Variants in P4HA1 observed in about 807,000 individuals in gnomAD.
The protein encoded by P4HA1 is prolyl 4-hydroxylase subunit alpha 1.
Under a neutral mutation model 72.8 loss-of-function variants are expected in P4HA1, and 24 were observed. That is an observed-to-expected ratio of 0.33 (90% CI 0.24 to 0.46). P4HA1 has a LOEUF of 0.46. P4HA1 is among the 20% of genes least tolerant of loss of function. The pLI, the probability that P4HA1 is intolerant of heterozygous loss-of-function variation, is 1.00. For synonymous variants in P4HA1, 201 were observed against 218.8 expected (o/e 0.92, Z 0.72); for missense variants, 446 against 640.6 (o/e 0.70, Z 3.28).
intron 1 of P4HA1, among the ~76,000 whole-genome samples, chr10:73,084,827 T>C (rs1389499069): frequency 2.0e-5 from 3 of 152,156 alleles, no homozygotes; most frequent in Admixed American, 1.3e-4. Flanking sequence ...ATTAAGACCA[T>C]TTTGAAGTTT....
chr10:73,062,386 C>G (rs1217451380), intron 5 of P4HA1, among the ~76,000 whole-genome samples: 1 of 151,572 alleles, frequency 6.6e-6, no homozygotes, highest in Non-Finnish European at 1.5e-5. Flanking sequence ...AAAAAAATGA[C>G]AGGTATGTGA....
chr10:73,037,020 G>A (rs1840590639), intron 9 of P4HA1, among the ~76,000 whole-genome samples: 1 of 151,684 alleles, frequency 6.6e-6, no homozygotes, highest in South Asian at 2.1e-4. Flanking sequence ...TAATGTTATA[G>A]CATTTAATAG....
intron 9 of P4HA1, among the ~76,000 whole-genome samples, chr10:73,036,685 G>A (rs12243988): frequency 0.16 from 24,222 of 151,926 alleles, 3,220 homozygotes; most frequent in African/African-American, 0.34. Flanking sequence ...GGTGTGAGCC[G>A]TCACACCTGG....
intron 1 of P4HA1, among the ~76,000 whole-genome samples, chr10:73,096,329 G>A (rs1326074056): frequency 2.0e-5 from 3 of 152,154 alleles, no homozygotes; most frequent in African/African-American, 7.2e-5. Context: ...CGCCACATGC[G>A]AACCATCTGC....
At chr10:73,077,038 C>A (rs151151155) in intron 1 of P4HA1, among the ~76,000 whole-genome samples, 16 of 152,324 alleles carry the variant, frequency 1.1e-4, no homozygotes, top group African/African-American at 3.8e-4. Flanking sequence ...CAGAACCACA[C>A]AGTAAGGAAA....
intron 10 of P4HA1, among the ~76,000 whole-genome samples, chr10:73,021,434 T>A (rs1251624699): frequency 6.6e-6 from 1 of 152,166 alleles, no homozygotes; most frequent in Non-Finnish European, 1.5e-5. Flanking sequence ...CATCAACAGA[T>A]GAATGGATAA....
rs373193417 is a variant in P4HA1, at chr10:73,084,576, T to C, written c.-32-9661A>G. ...CAGTCTTCCCGCCTGAGCCTCCCAA[T>C]GTGCTGGGATTACAGATGTGAGCCA... On this transcript the variant is annotated intron_variant, in intron 1 of 14. Transcript: ENST00000394890. 5.3e-5 allele frequency among the ~76,000 whole-genome samples: 8 copies of C among 152,240 alleles called. No individual in the cohort carries two copies. The East Asian group carries it at 1.4e-3, about 26-fold the overall frequency.
At chr10:73,087,507 C>A (rs375997646) in intron 1 of P4HA1, among the ~76,000 whole-genome samples, 2 of 152,002 alleles carry the variant, frequency 1.3e-5, no homozygotes, top group African/African-American at 4.8e-5. Context: ...CTCAGATGGT[C>A]CACCCACCTC....
intron 10 of P4HA1, among the ~76,000 whole-genome samples, chr10:73,024,766 A>T (rs1394269050): frequency 5.3e-5 from 8 of 152,210 alleles, no homozygotes; most frequent in Non-Finnish European, 1.5e-5. Context: ...AGAAGAAAAG[A>T]GAGAATAATC....
chr10:73,092,366 T>TTTTTG (rs796622096), intron 1 of P4HA1, among the ~76,000 whole-genome samples: 1 of 141,664 alleles, frequency 7.1e-6, no homozygotes, highest in African/African-American at 2.8e-5. Context: ...TTTTTTTTTT[T>TTTTTG]AGAGACAGGG....
intron 1 of P4HA1, among the ~76,000 whole-genome samples, chr10:73,077,563 A>ACATAATGTTT (rs1841728549): frequency 1.3e-5 from 2 of 152,152 alleles, no homozygotes; most frequent in African/African-American, 4.8e-5. Flanking sequence ...TCTTTACCTT[A>ACATAATGTTT]CATAATGTTT....
chr10:73,046,433 T>C (rs1840866485), intron 8 of P4HA1, among the ~76,000 whole-genome samples: 1 of 152,190 alleles, frequency 6.6e-6, no homozygotes, highest in South Asian at 2.1e-4. Flanking sequence ...TTAAGATAAA[T>C]TCTGTGGGTT....
chr10:73,093,449 T>C (rs181358383), intron 1 of P4HA1, among the ~76,000 whole-genome samples: 113 of 152,248 alleles, frequency 7.4e-4, no homozygotes, highest in East Asian at 5.2e-3. Flanking sequence ...TTGCCAAAGC[T>C]TTTCTTTAGG....
chr10:73,080,685 G>A (rs1841802425), intron 1 of P4HA1, among the ~76,000 whole-genome samples: 2 of 152,194 alleles, frequency 1.3e-5, no homozygotes, highest in Admixed American at 1.3e-4. Flanking sequence ...TACTTTGGGA[G>A]GCAGAAGCGG....
chr10:73,020,615 GA>G lies in P4HA1; in HGVS notation c.1249-3717del, dbSNP rs755249390. On this transcript the variant is annotated intron_variant, in intron 10 of 14. Transcript: ENST00000394890. ...TACCAAAACTCATCACAGACATAAT[GA>G]AAAAAGAAAACTTCAGGCTGATATT... Among the ~76,000 whole-genome samples, 67 of 151,762 alleles carry G rather than the reference GA, an allele frequency of 4.4e-4. 2 individuals are homozygous for G. The highest frequency in any genetic ancestry group is 1.3e-3 in the Admixed American group (20 of 15,240).
intron 1 of P4HA1, among the ~76,000 whole-genome samples, chr10:73,075,149 C>T (rs1264620015): frequency 2.0e-5 from 3 of 152,034 alleles, no homozygotes. Flanking sequence ...TCTCTGTCGC[C>T]CAGGCTGGAG....
chr10:73,071,968 A>G, intron 4 of P4HA1, 61 bp downstream of exon 4: 1 of 1,319,756 alleles, frequency 7.6e-7, no homozygotes, highest in Non-Finnish European at 1.1e-6. Context: ...TTTATCATTA[A>G]TTTTATTATT....
In P4HA1 at chr10:73,016,877, C is replaced by A; in HGVS notation, c.1271G>T (p.Gly424Val). Residue 424 changes from glycine (G) to valine (V), a missense_variant, in exon 11 of 15, where the codon GGA becomes GTA. Coordinates refer to ENST00000394890, the MANE Select transcript of P4HA1 (RefSeq NM_001017962.3). ...ELQVANYGVG[G>V]QYEPHFDFAR... ...AAAGTCAAAATGGGGTTCATACTGT[C>A]CTCCAACTCCATAATTTGCTACCTG... 1 of 1,611,888 alleles carries A rather than the reference C, an allele frequency of 6.2e-7. No homozygotes were observed. Among genetic ancestry groups the A allele is most frequent in the South Asian group, 1.1e-5 (1 of 90,960 alleles).
At position 73,075,742 on chromosome 10, in the gene P4HA1, A is replaced by AGTGTGT. The variant is rs531577086; in HGVS notation, c.-32-833_-32-828dup. Among the ~76,000 whole-genome samples the AGTGTGT allele has an allele frequency of 2.3e-4, 34 of 147,856 alleles. No homozygotes were observed. The Middle Eastern group carries it at 0.014, about 60-fold the overall frequency. On this transcript the variant is annotated intron_variant, in intron 1 of 14. Transcript: ENST00000394890. ...TCATATATATTTTATATATATATAT[A>AGTGTGT]GTGTGTGTGTGTGTGTGTATGTGTG... is the stretch of plus-strand genomic sequence containing the variant.
Sources: allele counts gnomAD v4.1 joint callset (sites outside exome capture counted in the v4.1 genomes callset), GRCh38; gene constraint gnomAD v4.1.1; transcripts MANE v1.5; gene names NCBI Gene and HGNC (gene_info 2026-07-23, HGNC 2026-07-21).